UNC5D: variants seen among roughly 807,000 people sequenced by gnomAD.
The protein encoded by UNC5D is netrin receptor UNC5D.
A neutral mutation model predicts 105.4 loss-of-function variants in UNC5D; 39 were observed. That is an observed-to-expected ratio of 0.37 (90% CI 0.29 to 0.48). The LOEUF (loss-of-function observed/expected upper bound fraction) is 0.48. Ranked by LOEUF, UNC5D falls within the 20% of genes least tolerant of loss-of-function variation. The pLI is 0.98. For missense variants in UNC5D, 991 were observed against 1,202.4 expected, an observed-to-expected ratio of 0.82 and a Z score of 2.60; for synonymous variants, 452 against 450.4, an observed-to-expected ratio of 1.00 and a Z score of -0.04.
intron 6 of UNC5D, among the ~76,000 whole-genome samples, chr8:35,685,193 A>T (rs770835077): frequency 3.9e-5 from 6 of 152,226 alleles, no homozygotes; most frequent in Admixed American, 6.5e-5. Context: ...TAACTTTATC[A>T]GTTCTAGCTT....
intron 1 of UNC5D, among the ~76,000 whole-genome samples, chr8:35,247,620 TA>T (rs1488843436): frequency 2.3e-5 from 2 of 86,158 alleles, no homozygotes; most frequent in African/African-American, 9.9e-5. Flanking sequence ...ATATTATATA[TA>T]AAATATATAT....
At chr8:35,344,164 G>A (rs867276021) in intron 1 of UNC5D, among the ~76,000 whole-genome samples, 2 of 152,058 alleles carry the variant, frequency 1.3e-5, no homozygotes, top group Admixed American at 6.6e-5. Flanking sequence ...GTAACAGAAA[G>A]TATATAAAGA....
Position 35,766,967 on chromosome 8 carries a change from G to C in UNC5D, c.2379G>C (p.Glu793Asp). 6.2e-7 allele frequency: 1 copy of C among 1,614,070 alleles called. No homozygotes were observed. Residue 793 changes from glutamate to aspartate, a missense_variant, in exon 15 of 17, where the codon GAG (glutamate) becomes GAC (aspartate). Around this residue, in one of 3 missense-constraint regions of UNC5D, gnomAD observed 944 missense variants for 1,131.6 expected, o/e 0.83. Coordinates refer to ENST00000404895, the MANE Select transcript of UNC5D (RefSeq NM_080872.4). ...CCCTGCACTGTGCCTTCTCCCTGGA[G>C]CGTTATACGCCCACTACCACCCAGC... ...RQPLHCAFSL[E>D]RYTPTTTQLS...
intron 4 of UNC5D, among the ~76,000 whole-genome samples, chr8:35,604,532 T>C (rs1820138841): frequency 6.6e-6 from 1 of 152,106 alleles, no homozygotes; most frequent in Non-Finnish European, 1.5e-5. Flanking sequence ...TTGGAGTTGC[T>C]CTCCTCGAGG....
rs1563246441 is a variant in UNC5D, at chr8:35,247,613, T to TAA, written c.103+11726_103+11727insAA. On this transcript the variant is annotated intron_variant, in intron 1 of 16. Coordinates refer to ENST00000404895, the MANE Select transcript of UNC5D (RefSeq NM_080872.4). ...AATATATATAATATATAAATATATA[T>TAA]TATATATAAAATATATATAATATAT... Among the ~76,000 whole-genome samples, 122 of 90,518 alleles carry TAA rather than the reference T, an allele frequency of 1.3e-3. 2 individuals are homozygous for TAA. In the South Asian group the frequency reaches 0.032, roughly 23 times the overall value. The allele number at this position is 90,518 out of a possible 152,430, so 59.4% of individuals were successfully genotyped here. A position where few individuals can be genotyped will look rare whatever the true frequency, so the allele number is the denominator to read the frequency against.
chr8:35,467,936 T>G (rs189066258), intron 1 of UNC5D, among the ~76,000 whole-genome samples: 340 of 152,320 alleles, frequency 2.2e-3, no homozygotes, highest in Non-Finnish European at 3.8e-3. Flanking sequence ...AAATCTAAAA[T>G]TCTGTGATCT....
chr8:35,568,980 A>G (rs1045452191), intron 3 of UNC5D, among the ~76,000 whole-genome samples: 4 of 151,980 alleles, frequency 2.6e-5, no homozygotes, highest in African/African-American at 7.3e-5. Context: ...CTACTGTTCA[A>G]TCTCTTCTCT....
At chr8:35,329,764 C>G (rs1247761155) in intron 1 of UNC5D, among the ~76,000 whole-genome samples, 1 of 152,310 alleles carries the variant, frequency 6.6e-6, no homozygotes, top group East Asian at 1.9e-4. Context: ...TCACCCCCTT[C>G]CTTGCCCTTA....
Position 35,455,470 on chromosome 8 carries a change from G to A in UNC5D, c.104-93822G>A, listed in dbSNP as rs184399159. Reference sequence around the variant, plus strand: ...ACTTCTGTATTCTTAGTAGAGACGGGGTTTTGCCATATTGGCCAGGTTGGT... The same window carrying A: ...ACTTCTGTATTCTTAGTAGAGACGGAGTTTTGCCATATTGGCCAGGTTGGT... On this transcript the variant is annotated intron_variant, in intron 1 of 16. Coordinates refer to ENST00000404895, the MANE Select transcript of UNC5D (RefSeq NM_080872.4). Among the ~76,000 whole-genome samples, 419 of 151,876 alleles carry A rather than the reference G, an allele frequency of 2.8e-3. 1 individual carries two copies. Among genetic ancestry groups the A allele is most frequent in the African/African-American group, 9.5e-3 (395 of 41,454 alleles).
At position 35,637,494 on chromosome 8, in the gene UNC5D, G is replaced by A. The variant is rs1221245482; in HGVS notation, c.570+41837G>A. On this transcript the variant is annotated intron_variant, in intron 4 of 16. Transcript: ENST00000404895. Reference sequence around the variant, plus strand: ...AAATGGAGAGAAAGCCAGTCATAATGAGCCCATTTTAGGGATGGATGTGAA... The same window carrying A: ...AAATGGAGAGAAAGCCAGTCATAATAAGCCCATTTTAGGGATGGATGTGAA... Among the ~76,000 whole-genome samples, 5 of 152,140 alleles carry A rather than the reference G, an allele frequency of 3.3e-5. No individual in the cohort carries two copies. The East Asian group carries it at 9.7e-4, about 29-fold the overall frequency.
chr8:35,321,120 A>T (rs1051105736), intron 1 of UNC5D, among the ~76,000 whole-genome samples: 12 of 152,122 alleles, frequency 7.9e-5, no homozygotes, highest in Non-Finnish European at 1.6e-4. Flanking sequence ...TTCTAGGTTG[A>T]TAGGACTTTA....
chr8:35,723,590 G>T (rs1471037497), intron 9 of UNC5D, among the ~76,000 whole-genome samples: 1 of 151,846 alleles, frequency 6.6e-6, no homozygotes, highest in Non-Finnish European at 1.5e-5. Context: ...ATTTTTTATA[G>T]AGACAGGGTC....
intron 4 of UNC5D, among the ~76,000 whole-genome samples, chr8:35,655,168 A>C (rs1438176990): frequency 6.6e-6 from 1 of 152,168 alleles, no homozygotes; most frequent in African/African-American, 2.4e-5. Flanking sequence ...TTGGATTATA[A>C]ATTGCTTTAC....
At chr8:35,673,188 G>A (rs1175925085) in intron 4 of UNC5D, among the ~76,000 whole-genome samples, 1 of 152,152 alleles carries the variant, frequency 6.6e-6, no homozygotes, top group African/African-American at 2.4e-5. Context: ...GGAAAGAAAA[G>A]CAAGACAAAA....
At chr8:35,238,125 A>G (rs1482514505) in intron 1 of UNC5D, among the ~76,000 whole-genome samples, 2 of 152,170 alleles carry the variant, frequency 1.3e-5, no homozygotes, top group African/African-American at 4.8e-5. Flanking sequence ...GCCCTAACCA[A>G]CGGGGTATAG....
intron 11 of UNC5D, among the ~76,000 whole-genome samples, chr8:35,736,381 A>G (rs959828675): frequency 1.3e-5 from 2 of 152,168 alleles, no homozygotes; most frequent in African/African-American, 4.8e-5. Context: ...AAACAACAAT[A>G]AAAGAAAAAG....
intron 11 of UNC5D, among the ~76,000 whole-genome samples, chr8:35,737,283 TGTGTGTGTGTGTGTGTG>T (rs1829520568): frequency 1.3e-5 from 2 of 149,748 alleles, no homozygotes; most frequent in South Asian, 2.1e-4. Context: ...TGTGTGTGTG[TGTGTGTGTGTGTGTGTG>T]TTAATGTGTG....
At chr8:35,735,254 T>C (rs1467760696) in intron 11 of UNC5D, among the ~76,000 whole-genome samples, 1 of 78,946 alleles carries the variant, frequency 1.3e-5, no homozygotes, top group East Asian at 3.9e-4. Context: ...CCCGACCCCA[T>C]GGTTGGAGAG....
chr8:35,244,638 A>G (rs189502622), intron 1 of UNC5D, among the ~76,000 whole-genome samples: 1 of 152,282 alleles, frequency 6.6e-6, no homozygotes, highest in East Asian at 1.9e-4. Flanking sequence ...ACTTTTGAAA[A>G]ATCAGGGGAT....
Sources: gnomAD v4.1 joint callset for allele counts (sites outside exome capture counted in the v4.1 genomes callset) on GRCh38, gnomAD v4.1.1 for gene constraint, gnomAD v4.1.1 regional missense constraint, MANE v1.5 for transcripts, NCBI Gene and HGNC (gene_info 2026-07-23, HGNC 2026-07-21) for gene names.